KCNIP4: variants seen among roughly 807,000 people sequenced by gnomAD.
The protein encoded by KCNIP4 is potassium voltage-gated channel interacting protein 4.
In KCNIP4, 12 loss-of-function variants were observed where a neutral mutation model predicts 34.0. That is an observed-to-expected ratio of 0.35 (90% CI 0.23 to 0.57). The LOEUF (loss-of-function observed/expected upper bound fraction) is 0.57, where lower values mean the gene tolerates loss of function less well. Among genes scored for constraint, KCNIP4 ranks in the 20% least tolerant of loss-of-function variants. KCNIP4 has a pLI of 0.83. For synonymous variants in KCNIP4, 124 were observed against 102.2 expected, an observed-to-expected ratio of 1.21 and a Z score of -1.29; for missense variants, 238 against 311.7, an observed-to-expected ratio of 0.76 and a Z score of 1.78.
At chr4:21,112,496 A>G (rs1028015166) in intron 1 of KCNIP4, among the ~76,000 whole-genome samples, 1 of 152,210 alleles carries the variant, frequency 6.6e-6, no homozygotes. Context: ...AGATAGTAAC[A>G]TGCAAAGATG....
intron 1 of KCNIP4, among the ~76,000 whole-genome samples, chr4:21,831,144 G>A (rs988923237): frequency 6.6e-6 from 1 of 152,082 alleles, no homozygotes; most frequent in Admixed American, 6.6e-5. Context: ...AAACTTCTGG[G>A]ATGCTGCAAT....
chr4:21,396,911 G>A (rs1230056266), intron 1 of KCNIP4, among the ~76,000 whole-genome samples: 1 of 152,182 alleles, frequency 6.6e-6, no homozygotes, highest in African/African-American at 2.4e-5. Flanking sequence ...CAAATTTCTG[G>A]TGTGCAGAAC....
At position 21,294,020 on chromosome 4, in the gene KCNIP4, G is replaced by A. The variant is rs149537524; in HGVS notation, c.62-411311C>T. ...GTTATATGATCTTAGGTGAGTGGCT[G>A]AAATTTCACAAGCATATACTTTGTC... is the stretch of plus-strand genomic sequence containing the variant. On this transcript the variant is annotated intron_variant, in intron 1 of 8. Coordinates refer to ENST00000382152, the MANE Select transcript of KCNIP4 (RefSeq NM_025221.6). Among the ~76,000 whole-genome samples the A allele has an allele frequency of 6.4e-4, 98 of 152,216 alleles. 1 individual carries two copies. Among genetic ancestry groups the A allele is most frequent in the African/African-American group, 1.9e-3 (77 of 41,540 alleles).
chr4:21,247,793 A>C (rs1760370050), intron 1 of KCNIP4, among the ~76,000 whole-genome samples: 1 of 95,826 alleles, frequency 1.0e-5, no homozygotes. Flanking sequence ...TATATACACC[A>C]CAGGTGGATA....
intron 1 of KCNIP4, among the ~76,000 whole-genome samples, chr4:21,692,930 G>T (rs988394506): frequency 1.4e-5 from 2 of 144,022 alleles, no homozygotes; most frequent in Non-Finnish European, 3.0e-5. Context: ...AGATGTGTCT[G>T]CCCTATGTGT....
intron 1 of KCNIP4, among the ~76,000 whole-genome samples, chr4:21,442,646 A>G (rs1349676199): frequency 6.6e-6 from 1 of 151,994 alleles, no homozygotes; most frequent in African/African-American, 2.4e-5. Flanking sequence ...TACCATTTTC[A>G]CTGATGGCTT....
At chr4:20,812,669 T>C (rs1715915284) in intron 3 of KCNIP4, among the ~76,000 whole-genome samples, 1 of 152,204 alleles carries the variant, frequency 6.6e-6, no homozygotes, top group African/African-American at 2.4e-5. Context: ...TGACCAACTT[T>C]AGGCCAAATA....
chr4:21,850,877 AACATTTGTGC>A (rs1378651485), intron 1 of KCNIP4: 1 of 152,118 alleles, frequency 6.6e-6, no homozygotes, highest in Admixed American at 6.6e-5. Context: ...CCGTGCACTC[AACATTTGTGC>A]AAGATTCAAA....
intron 1 of KCNIP4, among the ~76,000 whole-genome samples, chr4:21,319,933 TAGA>T (rs1218805290): frequency 3.3e-5 from 5 of 152,162 alleles, no homozygotes; most frequent in African/African-American, 1.2e-4. Context: ...GTTTTGCAAA[TAGA>T]AAAGGCATTA....
intron 1 of KCNIP4, among the ~76,000 whole-genome samples, chr4:21,266,488 G>A (rs1023689089): frequency 6.6e-6 from 1 of 152,192 alleles, no homozygotes; most frequent in African/African-American, 2.4e-5. Context: ...TTATACTATA[G>A]TGATGACAAC....
chr4:21,911,134 C>T (rs1266115087), intron 1 of KCNIP4, among the ~76,000 whole-genome samples: 3 of 151,944 alleles, frequency 2.0e-5, no homozygotes, highest in Non-Finnish European at 4.4e-5. Context: ...ACCTTCAAAT[C>T]GAAAAGTCCT....
At chr4:21,877,848 A>C (rs2109377985) in intron 1 of KCNIP4, among the ~76,000 whole-genome samples, 1 of 152,342 alleles carries the variant, frequency 6.6e-6, no homozygotes, top group East Asian at 1.9e-4. Context: ...AAAACCTAGA[A>C]GGCCTTTTCT....
At chr4:21,430,939 A>G (rs1726389045) in intron 1 of KCNIP4, among the ~76,000 whole-genome samples, 1 of 152,116 alleles carries the variant, frequency 6.6e-6, no homozygotes, top group Non-Finnish European at 1.5e-5. Flanking sequence ...AAAAAAAGGC[A>G]TTGATTTAAG....
At chr4:21,277,670 A>G (rs866482317) in intron 1 of KCNIP4, among the ~76,000 whole-genome samples, 48 of 152,352 alleles carry the variant, frequency 3.2e-4, no homozygotes, top group African/African-American at 9.9e-4. Context: ...TGCAATAGCA[A>G]TTCAAGAGAC....
At chr4:21,002,857 T>C (rs1738258483) in intron 1 of KCNIP4, among the ~76,000 whole-genome samples, 2 of 152,208 alleles carry the variant, frequency 1.3e-5, no homozygotes, top group African/African-American at 2.4e-5. Context: ...CCTCTCTGGC[T>C]TCTGTGTTTC....
At chr4:21,015,628 G>A (rs1233400244) in intron 1 of KCNIP4, among the ~76,000 whole-genome samples, 1 of 120,056 alleles carries the variant, frequency 8.3e-6, no homozygotes, top group Non-Finnish European at 1.6e-5. Context: ...ATAGTATATT[G>A]TATTAATATA....
chr4:21,133,190 A>G (rs1189894823), intron 1 of KCNIP4, among the ~76,000 whole-genome samples: 5 of 152,254 alleles, frequency 3.3e-5, no homozygotes, highest in African/African-American at 1.2e-4. Context: ...CCTGTTTTCA[A>G]TGTCTCTGGG....
At chr4:21,190,482 T>A (rs2109345924) in intron 1 of KCNIP4, among the ~76,000 whole-genome samples, 1 of 146,514 alleles carries the variant, frequency 6.8e-6, no homozygotes, top group Middle Eastern at 3.5e-3. Context: ...GTGCAACCTT[T>A]CATTGTTTCT....
intron 1 of KCNIP4, among the ~76,000 whole-genome samples, chr4:21,108,393 C>T: frequency 6.6e-6 from 1 of 151,566 alleles, no homozygotes. Flanking sequence ...ATCGCATCGG[C>T]TCCTGAGGCT....
Sources: gnomAD v4.1 joint callset for allele counts (sites outside exome capture counted in the v4.1 genomes callset) on GRCh38, gnomAD v4.1.1 for gene constraint, MANE v1.5 for transcripts, NCBI Gene and HGNC (gene_info 2026-07-23, HGNC 2026-07-21) for gene names.